Variants in ZNF16 observed in about 807,000 individuals in gnomAD.
ZNF16 encodes zinc finger protein KOX9.
ZNF16 carries 7 observed loss-of-function variants against 9.0 expected under a neutral mutation model. The observed-to-expected ratio is 0.78, with a 90% CI of 0.44 to 1.47. The LOEUF (loss-of-function observed/expected upper bound fraction) is 1.47, where lower values mean the gene tolerates loss of function less well. Among genes scored for constraint, ZNF16 ranks in the 40% most tolerant of loss-of-function variants. The pLI is 0.01. For missense variants in ZNF16, 830 were observed against 854.2 expected, an observed-to-expected ratio of 0.97 and a Z score of 0.35; for synonymous variants, 312 against 301.5, an observed-to-expected ratio of 1.03 and a Z score of -0.36.
chr8:144,945,795 C>T lies in ZNF16; in HGVS notation c.196+216G>A, dbSNP rs189517768. 1,112 of 904,880 alleles carry T rather than the reference C, an allele frequency of 1.2e-3. 4 individuals carry two copies. Among genetic ancestry groups the T allele is most frequent in the East Asian group, 7.0e-3 (245 of 35,182 alleles). The allele number at this position is 904,880 out of a possible 1,614,324, so 56.1% of individuals were successfully genotyped here. On this transcript the variant is annotated intron_variant, in intron 2 of 2. Coordinates refer to ENST00000394909, the MANE Select transcript of ZNF16 (RefSeq NM_006958.3). ...TGGTGGCCATCATGTCATACCTCTT[C>T]GTGTCAAGTGGGGAAATCACAGTTC...
chr8:144,950,171 C>T (rs554837759), intron 1 of ZNF16, among the ~76,000 whole-genome samples: 60 of 151,892 alleles, frequency 4.0e-4, no homozygotes, highest in African/African-American at 1.3e-3. Context: ...TTAATTATGG[C>T]ACAGATTCTT....
chr8:144,939,625 AT>A (rs1282980122), intron 2 of ZNF16, among the ~76,000 whole-genome samples: 2 of 143,084 alleles, frequency 1.4e-5, no homozygotes, highest in African/African-American at 2.5e-5. Flanking sequence ...AAAAAAAGCC[AT>A]TGTGGTCCTG....
rs1381379507 is a variant in ZNF16 at position 144,932,725 on chromosome 8, C to T, written c.197-135G>A. The stretch of plus-strand genomic sequence containing the variant: ...GATCCTCTGGGGTGGCAGTCCAGAT[C>T]AGAGGGCATCAGGGAGGGGTGGGAG... On this transcript the variant is annotated intron_variant, in intron 2 of 2. Transcript: ENST00000394909. The surrounding 1 kb of genome is among the most constrained non-coding windows in gnomAD (Gnocchi z 5.0). 10 of 828,136 alleles carry T rather than the reference C, an allele frequency of 1.2e-5. No individual in the cohort carries two copies. The Admixed American group carries it at 1.6e-4, about 14-fold the overall frequency. 51.3% of individuals were successfully genotyped at this position (828,136 alleles called of 1,614,324 possible).
intron 1 of ZNF16, among the ~76,000 whole-genome samples, chr8:144,949,334 T>C (rs1047981501): frequency 1.3e-4 from 20 of 152,274 alleles, no homozygotes; most frequent in African/African-American, 4.8e-4. Context: ...CGAAACCCCC[T>C]TTCTCCCCCA....
chr8:144,931,413 T>A lies in ZNF16; in HGVS notation c.1374A>T (p.Glu458Asp). 1 of 1,613,868 alleles carries A rather than the reference T, an allele frequency of 6.2e-7. No individual in the cohort carries two copies. Among genetic ancestry groups the A allele is most frequent in the Non-Finnish European group, 8.5e-7 (1 of 1,179,962 alleles). The change falls in exon 3 of 3, where the codon GAA becomes GAT. Residue 458 changes from glutamate to aspartate, a missense_variant. Transcript: ENST00000394909. ...LIQHRRIHTG[E>D]KPHVCNVCGK... ...CACATACATTACACACGTGAGGCTTTTCTCCAGTGTGAATTCTCCGATGCT... is the reference window on the plus strand; with the variant it reads ...CACATACATTACACACGTGAGGCTTATCTCCAGTGTGAATTCTCCGATGCT...
At chr8:144,943,136 G>GT (rs937466895) in intron 2 of ZNF16, among the ~76,000 whole-genome samples, 6 of 152,106 alleles carry the variant, frequency 3.9e-5, no homozygotes, top group Non-Finnish European at 8.8e-5. Context: ...TAGTTGACAG[G>GT]TTTTTTTCCC....
In ZNF16 at chr8:144,940,879, G is replaced by A. The variant is rs965220968; in HGVS notation, c.196+5132C>T. ...TTCTATGTGTATTCACATGGTAGAA[G>A]GGCAAGAAAAGAAGCTAACAAGCTC... On this transcript the variant is annotated intron_variant, in intron 2 of 2. Coordinates refer to ENST00000394909, the MANE Select transcript of ZNF16 (RefSeq NM_006958.3). Among the ~76,000 whole-genome samples, 10 of 152,170 alleles carry A rather than the reference G, an allele frequency of 6.6e-5. 1 individual carries two copies. Among genetic ancestry groups the A allele is most frequent in the African/African-American group, 1.9e-4 (8 of 41,444 alleles).
At chr8:144,942,837 A>G (rs557522111) in intron 2 of ZNF16, among the ~76,000 whole-genome samples, 1 of 152,294 alleles carries the variant, frequency 6.6e-6, no homozygotes, top group East Asian at 1.9e-4. Flanking sequence ...AATGGCAAAA[A>G]CCACAATTAA....
Position 144,932,476 on chromosome 8 carries a change from G to A in ZNF16, c.311C>T (p.Pro104Leu), listed in dbSNP as rs61753445. ...ENYAGDVSQV[P>L]ELGDLCDDVS... ...ATCATCACACAGATCTCCAAGCTCG[G>A]GTACCTGGGAAACATCACCAGCATA... is the stretch of plus-strand genomic sequence containing the variant. The change falls in exon 3 of 3, where the codon CCC becomes CTC. Residue 104 changes from proline to leucine, a missense_variant. Coordinates refer to ENST00000394909, the MANE Select transcript of ZNF16 (RefSeq NM_006958.3). This position sits in a 1 kb window ranked among gnomAD's most constrained non-coding sequence, Gnocchi z 5.0. The A allele has an allele frequency of 7.2e-4, 1,162 of 1,614,154 alleles. 6 individuals are homozygous for A. In the African/African-American group the frequency reaches 0.014, roughly 20 times the overall value.
In ZNF16 at chr8:144,932,386, C is replaced by T. The variant is rs1461277440; in HGVS notation, c.401G>A (p.Gly134Glu). The T allele has an allele frequency of 6.2e-7, 1 of 1,614,062 alleles. No individual in the cohort carries two copies. The highest frequency in any genetic ancestry group is 1.3e-5 in the African/African-American group (1 of 74,934). Residue 134 changes from glycine (G) to glutamate (E), a missense_variant, in exon 3 of 3, where the codon GGG becomes GAG. Coordinates refer to ENST00000394909, the MANE Select transcript of ZNF16 (RefSeq NM_006958.3). This position sits in a 1 kb window ranked among gnomAD's most constrained non-coding sequence, Gnocchi z 5.0. ...CCCCATGGCAGCTGGTGTGAAGTCCCCCTCCTGGGAGAGGGACTGTGGCAG... is the reference window on the plus strand; with the variant it reads ...CCCCATGGCAGCTGGTGTGAAGTCCTCCTCCTGGGAGAGGGACTGTGGCAG... ...RRLPQSLSQEGDFTPAAMGLL... is the reference protein window; with the variant it reads ...RRLPQSLSQEEDFTPAAMGLL...
intron 2 of ZNF16, among the ~76,000 whole-genome samples, chr8:144,934,683 A>AC (rs747738133): frequency 1.3e-5 from 2 of 152,242 alleles, no homozygotes; most frequent in Non-Finnish European, 2.9e-5. Context: ...GACTTGGGAG[A>AC]CCGTTGCCCT....
At chr8:144,947,374 T>G (rs1414304741) in intron 1 of ZNF16, among the ~76,000 whole-genome samples, 1 of 144,072 alleles carries the variant, frequency 6.9e-6, no homozygotes, top group African/African-American at 2.5e-5. Flanking sequence ...TATCCTGCTG[T>G]GGGCCTGTAT....
In ZNF16 at chr8:144,933,573, C is replaced by T. The variant is rs78991944; in HGVS notation, c.197-983G>A. Among the ~76,000 whole-genome samples, 23 of 152,312 alleles carry T rather than the reference C, an allele frequency of 1.5e-4. No homozygotes were observed. The highest frequency in any genetic ancestry group is 2.8e-4 in the Non-Finnish European group (19 of 68,020). On this transcript the variant is annotated intron_variant, in intron 2 of 2. Transcript: ENST00000394909. This position sits in a 1 kb window ranked among gnomAD's most constrained non-coding sequence, Gnocchi z 5.6. ...ATTCAAACTGACATCCCAGGCCACA[C>T]TGCCACCTGGATGCTGAGCAGCTTC...
chr8:144,934,974 G>A (rs1833646062), intron 2 of ZNF16, among the ~76,000 whole-genome samples: 1 of 152,098 alleles, frequency 6.6e-6, no homozygotes. Context: ...ATGAAGAGAT[G>A]GCGACCATGA....
chr8:144,940,213 G>A (rs561388402), intron 2 of ZNF16, among the ~76,000 whole-genome samples: 6 of 152,076 alleles, frequency 3.9e-5, no homozygotes, highest in African/African-American at 1.4e-4. Context: ...CAAGTAACTA[G>A]GACTACAAGC....
rs769451759 is a variant in ZNF16 at position 144,932,930 on chromosome 8, C to A, written c.197-340G>T. On this transcript the variant is annotated intron_variant, in intron 2 of 2. Coordinates refer to ENST00000394909, the MANE Select transcript of ZNF16 (RefSeq NM_006958.3). This position sits in a 1 kb window ranked among gnomAD's most constrained non-coding sequence, Gnocchi z 5.0. ...CTTCCTCGACACCCACACCAAACCA[C>A]TGGCAAGTCCTGTCAGCTCTACCTC... 5.9e-5 allele frequency among the ~76,000 whole-genome samples: 9 copies of A among 152,260 alleles called. No individual in the cohort carries two copies. Among genetic ancestry groups the A allele is most frequent in the Non-Finnish European group, 1.3e-4 (9 of 68,044 alleles).
At chr8:144,950,192 G>A (rs1834071403) in intron 1 of ZNF16, among the ~76,000 whole-genome samples, 1 of 151,730 alleles carries the variant, frequency 6.6e-6, no homozygotes, top group Non-Finnish European at 1.5e-5. Context: ...TTGCTCACAT[G>A]CTTTTTTTTG....
At chr8:144,936,231 C>A (rs377639839) in intron 2 of ZNF16, among the ~76,000 whole-genome samples, 1 of 152,180 alleles carries the variant, frequency 6.6e-6, no homozygotes, top group African/African-American at 2.4e-5. Flanking sequence ...GAGGTTTATC[C>A]GCGTGTAGCA....
At chr8:144,949,242 C>T (rs915277471) in intron 1 of ZNF16, among the ~76,000 whole-genome samples, 2 of 152,250 alleles carry the variant, frequency 1.3e-5, no homozygotes, top group African/African-American at 4.8e-5. Context: ...CCAAACTCTC[C>T]TCCCTTCCCA....
Sources: allele counts gnomAD v4.1 joint callset (sites outside exome capture counted in the v4.1 genomes callset), GRCh38; gene constraint gnomAD v4.1.1; non-coding constraint Gnocchi (gnomAD v3.1); transcripts MANE v1.5; gene names NCBI Gene and HGNC (gene_info 2026-07-23, HGNC 2026-07-21).